The following FNIP1 variants were observed in gnomAD, a reference collection of about 807,000 sequenced individuals.
The protein encoded by FNIP1 is folliculin interacting protein 1, also known as folliculin-interacting protein 1.
FNIP1 carries 40 observed loss-of-function variants against 124.5 expected under a neutral mutation model. That is an observed-to-expected ratio of 0.32 (90% CI 0.25 to 0.42). The LOEUF is 0.42. Among genes scored for constraint, FNIP1 ranks in the 10% least tolerant of loss-of-function variants. The probability of loss-of-function intolerance (pLI) is 1.00; values close to 1 mark genes in which losing one functional copy is unlikely to be tolerated. For synonymous variants in FNIP1, 472 were observed against 470.6 expected (o/e 1.00, Z -0.04); for missense variants, 1,176 against 1,403.7 (o/e 0.84, Z 2.59).
chr5:131,721,596 A>G (rs1369291704), intron 3 of FNIP1, among the ~76,000 whole-genome samples: 2 of 152,140 alleles, frequency 1.3e-5, no homozygotes, highest in Non-Finnish European at 2.9e-5. Flanking sequence ...CAGGAGTTCA[A>G]GACCAGCCTG....
intron 3 of FNIP1, among the ~76,000 whole-genome samples, chr5:131,725,852 T>G (rs1769843557): frequency 6.6e-6 from 1 of 152,192 alleles, no homozygotes; most frequent in African/African-American, 2.4e-5. Context: ...ATAGCTCTTA[T>G]TATTTTGAGA....
intron 1 of FNIP1, chr5:131,796,526 A>G: frequency 2.4e-6 from 1 of 414,082 alleles, no homozygotes; most frequent in Non-Finnish European, 4.3e-6. Flanking sequence ...TGTGGACCCA[A>G]AGTCTCAGGC....
intron 1 of FNIP1, among the ~76,000 whole-genome samples, chr5:131,776,785 G>A (rs1167396752): frequency 1.3e-5 from 2 of 152,178 alleles, no homozygotes; most frequent in Non-Finnish European, 2.9e-5. Context: ...AACTAGAAAG[G>A]CAAATGAAGT....
intron 1 of FNIP1, among the ~76,000 whole-genome samples, chr5:131,782,624 C>T (rs1431923526): frequency 1.3e-5 from 2 of 150,682 alleles, no homozygotes. Flanking sequence ...GGGAGGGAGG[C>T]AAAGAGGGAG....
chr5:131,677,543 G>A, intron 13 of FNIP1, 160 bp downstream of exon 13: 1 of 636,064 alleles, frequency 1.6e-6, no homozygotes, highest in Non-Finnish European at 2.6e-6. Context: ...CTAAGACGAG[G>A]ATAAGACAAA....
At chr5:131,718,210 C>A (rs1162931547) in intron 5 of FNIP1, among the ~76,000 whole-genome samples, 2 of 151,434 alleles carry the variant, frequency 1.3e-5, no homozygotes, top group African/African-American at 4.9e-5. Context: ...AAAAAGACTA[C>A]CTCCCACTTT....
intron 6 of FNIP1, among the ~76,000 whole-genome samples, chr5:131,712,542 A>G (rs747912811): frequency 1.4e-4 from 22 of 152,236 alleles, no homozygotes; most frequent in Non-Finnish European, 3.1e-4. Context: ...AGATATGAGA[A>G]TTTAGCTGTA....
At chr5:131,758,108 C>A (rs2149570310) in intron 1 of FNIP1, among the ~76,000 whole-genome samples, 1 of 152,202 alleles carries the variant, frequency 6.6e-6, no homozygotes, top group South Asian at 2.1e-4. Flanking sequence ...CTAAAAGTTG[C>A]CTGACAAATT....
At chr5:131,705,668 A>G (rs996837886) in intron 9 of FNIP1, among the ~76,000 whole-genome samples, 12 of 152,174 alleles carry the variant, frequency 7.9e-5, no homozygotes, top group African/African-American at 2.7e-4. Context: ...TAACCATGGA[A>G]AACAGTGTGC....
rs779282268 is a variant in FNIP1, at chr5:131,672,043, T to C, written c.2401A>G (p.Thr801Ala). 9 of 1,614,182 alleles carry C rather than the reference T, an allele frequency of 5.6e-6. No homozygotes were observed. The South Asian group carries it at 9.9e-5, about 18-fold the overall frequency. Residue 801 changes from threonine to alanine, a missense_variant, in exon 14 of 18, where the codon ACC becomes GCC. This residue lies in a region of FNIP1 where 1,109 missense variants were observed against 1,288.5 expected (regional missense o/e 0.86). Transcript: ENST00000510461. ...IDQHQETKQT[T>A]KDQSGESDTQ... ...TCAGACTCTCCAGATTGGTCCTTGG[T>C]TGTTTGTTTAGTTTCTTGATGCTGA...
In FNIP1 at chr5:131,672,110, T is replaced by C. The variant is rs1378641454; in HGVS notation, c.2334A>G (p.Arg778=). 2 of 1,614,194 alleles carry C rather than the reference T, an allele frequency of 1.2e-6. No homozygotes were observed. Among genetic ancestry groups the C allele is most frequent in the South Asian group, 2.2e-5 (2 of 91,088 alleles). ...RSQAVVDQIT[R]HHTKPLKEER... ...CTTCCTTCAATGGTTTGGTGTGATG[T>C]CTGGTAATCTGATCCACCACTGCCT... Residue 778 remains arginine, a synonymous_variant, in exon 14 of 18, where the codon AGA becomes AGG. Transcript: ENST00000510461.
At chr5:131,657,789 T>C (rs1767250838) in intron 15 of FNIP1, among the ~76,000 whole-genome samples, 1 of 140,274 alleles carries the variant, frequency 7.1e-6, no homozygotes, top group African/African-American at 2.8e-5. Context: ...GATACGGATC[T>C]TGCAACTTTG....
At chr5:131,752,689 A>AT (rs1770917417) in intron 1 of FNIP1, among the ~76,000 whole-genome samples, 1 of 152,240 alleles carries the variant, frequency 6.6e-6, no homozygotes, top group Non-Finnish European at 1.5e-5. Context: ...CAACTTGGGC[A>AT]TTTCACAAAA....
intron 1 of FNIP1, among the ~76,000 whole-genome samples, chr5:131,787,865 C>A (rs1052803957): frequency 1.1e-4 from 17 of 152,090 alleles, no homozygotes; most frequent in African/African-American, 4.1e-4. Context: ...AATCCCAACA[C>A]TTTGAGAGGC....
intron 1 of FNIP1, among the ~76,000 whole-genome samples, chr5:131,764,656 C>T (rs536793487): frequency 2.0e-5 from 3 of 152,128 alleles, no homozygotes; most frequent in East Asian, 1.9e-4. Flanking sequence ...TAACAAAATA[C>T]GACTGAAAGA....
Position 131,651,956 on chromosome 5 carries a change from A to G in FNIP1, c.3152T>C (p.Ile1051Thr), listed in dbSNP as rs371264668. 80 of 1,614,022 alleles carry G rather than the reference A, an allele frequency of 5.0e-5. No individual in the cohort carries two copies. The highest frequency in any genetic ancestry group is 6.3e-5 in the Non-Finnish European group (74 of 1,180,032). The change falls in exon 16 of 18, where the codon ATA becomes ACA. Residue 1051 changes from isoleucine to threonine, a missense_variant. By Grantham distance (89) the Ile-to-Thr change is moderately conservative. Transcript: ENST00000510461. ...AACAGTCCATTTATCCATGTCAGCT[A>G]TAATACAGACAGCTTCTGCTATTGG... Reference protein sequence around the residue: ...DEPIAEAVCIIADMDKWTVQV... With the variant: ...DEPIAEAVCITADMDKWTVQV...
At chr5:131,702,677 C>T (rs1032572880) in intron 10 of FNIP1, among the ~76,000 whole-genome samples, 7 of 152,154 alleles carry the variant, frequency 4.6e-5, no homozygotes, top group African/African-American at 1.7e-4. Flanking sequence ...TCTAAAAAAC[C>T]TTTGTCCTTC....
rs1271293984 is a variant in FNIP1, at chr5:131,710,647, A to C, written c.637T>G (p.Cys213Gly). ...TCAGAGAATGCCCGCCTGGGGCTGC[A>C]GAACTGTGAAAGACCTACATGGCAA... ...LLGNIGLSQF[C>G]SPRRAFSEQG... Residue 213 changes from cysteine (C) to glycine (G), a missense_variant, in exon 7 of 18, where the codon TGC becomes GGC. Physicochemically the swap from Cys to Gly is radical, Grantham distance 159 (BLOSUM62 -3). Transcript: ENST00000510461. 8.1e-6 allele frequency: 13 copies of C among 1,613,828 alleles called. No homozygotes were observed. Among genetic ancestry groups the C allele is most frequent in the African/African-American group, 1.3e-5 (1 of 74,930 alleles).
intron 16 of FNIP1, among the ~76,000 whole-genome samples, chr5:131,648,350 G>A (rs1307137131): frequency 6.6e-6 from 1 of 150,658 alleles, no homozygotes; most frequent in East Asian, 1.9e-4. Flanking sequence ...TTTGTTTAAT[G>A]TCAATTAACT....
Sources: gnomAD v4.1 joint callset for allele counts (sites outside exome capture counted in the v4.1 genomes callset) on GRCh38, gnomAD v4.1.1 for gene constraint, gnomAD v4.1.1 regional missense constraint, MANE v1.5 for transcripts, NCBI Gene and HGNC (gene_info 2026-07-23, HGNC 2026-07-21) for gene names.